Variants in TNRC6A observed in about 807,000 individuals in gnomAD.
The protein encoded by TNRC6A is trinucleotide repeat-containing gene 6A protein.
Under a neutral mutation model 221.2 loss-of-function variants are expected in TNRC6A, and 44 were observed. The observed-to-expected ratio is 0.20, with a 90% CI of 0.16 to 0.26. TNRC6A has a LOEUF of 0.26. Among genes scored for constraint, TNRC6A ranks in the 10% least tolerant of loss-of-function variants. The pLI is 1.00. For missense variants in TNRC6A, 2,199 were observed against 2,404.4 expected, an observed-to-expected ratio of 0.91 and a Z score of 1.79; for synonymous variants, 847 against 838.5, an observed-to-expected ratio of 1.01 and a Z score of -0.18.
At chr16:24,648,011 T>C (rs1902384863) in intron 2 of TNRC6A, among the ~76,000 whole-genome samples, 1 of 152,218 alleles carries the variant, frequency 6.6e-6, no homozygotes, top group Non-Finnish European at 1.5e-5. Flanking sequence ...CTTAGCATAA[T>C]GTCTTCACGG....
chr16:24,813,286 A>G (rs1288708916), intron 18 of TNRC6A, among the ~76,000 whole-genome samples: 1 of 152,198 alleles, frequency 6.6e-6, no homozygotes. Flanking sequence ...CAGTAAGCCC[A>G]TTGCCCAAAT....
intron 4 of TNRC6A, among the ~76,000 whole-genome samples, chr16:24,773,124 GTCTT>G (rs1204867924): frequency 3.3e-5 from 5 of 151,684 alleles, no homozygotes; most frequent in Non-Finnish European, 7.4e-5. Flanking sequence ...TACTAATTCC[GTCTT>G]TCTATTTCCT....
intron 2 of TNRC6A, among the ~76,000 whole-genome samples, chr16:24,659,999 T>C (rs1017441917): frequency 2.0e-5 from 3 of 152,236 alleles, no homozygotes; most frequent in African/African-American, 7.2e-5. Context: ...AGGTGAGCTA[T>C]AGTCATATGT....
In TNRC6A at chr16:24,660,654, G is replaced by A. The variant is rs112108004; in HGVS notation, n.402+19645G>A. ...ATTATAAAATGCCCCCATTTGTCTA[G>A]GTTGCCTCCCTTAACCTTAGATTCA... On this transcript the variant is annotated intron_variant and non_coding_transcript_variant, in intron 2 of 2. Coordinates refer to the TNRC6A transcript ENST00000566108. 6.4e-3 allele frequency among the ~76,000 whole-genome samples: 970 copies of A among 151,050 alleles called. 14 individuals carry two copies. Among genetic ancestry groups the A allele is most frequent in the African/African-American group, 0.022 (913 of 41,176 alleles).
rs955727712 is a variant in TNRC6A at position 24,735,278 on chromosome 16, C to T, written c.53+4978C>T. ...TGGGCAACAGAGTGAAACTCTGTTT[C>T]GAAAGAAAGAAAAGAAATGACTAGG... On this transcript the variant is annotated intron_variant, in intron 2 of 24. Transcript: ENST00000395799. Among the ~76,000 whole-genome samples, 8 of 151,850 alleles carry T rather than the reference C, an allele frequency of 5.3e-5. No individual in the cohort carries two copies. The East Asian group carries it at 1.3e-3, about 26-fold the overall frequency.
At chr16:24,813,727 C>G (rs1407872822) in intron 18 of TNRC6A, among the ~76,000 whole-genome samples, 2 of 152,180 alleles carry the variant, frequency 1.3e-5, no homozygotes, top group Non-Finnish European at 2.9e-5. Context: ...TAAACTGAAC[C>G]TGTCACGTAG....
chr16:24,674,982 C>CA (rs1005393156), intron 2 of TNRC6A, among the ~76,000 whole-genome samples: 2 of 151,946 alleles, frequency 1.3e-5, no homozygotes, highest in Non-Finnish European at 2.9e-5. Context: ...TCTACAAAAA[C>CA]AAAAATTTTT....
chr16:24,805,462 T>G, intron 14 of TNRC6A, 143 bp from the exon 15 acceptor site: 1 of 1,218,400 alleles, frequency 8.2e-7, no homozygotes, highest in Non-Finnish European at 1.1e-6. Context: ...GAGTGGTCAG[T>G]TAGTAAGACA....
At chr16:24,697,414 G>C (rs1204327777) in intron 2 of TNRC6A, among the ~76,000 whole-genome samples, 1 of 152,178 alleles carries the variant, frequency 6.6e-6, no homozygotes, top group Non-Finnish European at 1.5e-5. Context: ...GCCAGGCACA[G>C]TGGCTCACAC....
chr16:24,691,967 G>C (rs982029086), intron 2 of TNRC6A, among the ~76,000 whole-genome samples: 53 of 152,244 alleles, frequency 3.5e-4, no homozygotes, highest in African/African-American at 1.3e-3. Context: ...CATATATTAT[G>C]TGTGCAACTA....
chr16:24,698,846 G>A (rs2055914201), intron 2 of TNRC6A, among the ~76,000 whole-genome samples: 3 of 152,162 alleles, frequency 2.0e-5, no homozygotes, highest in Admixed American at 1.3e-4. Flanking sequence ...AAGTAGCTGG[G>A]ATTATGGGCA....
intron 1 of TNRC6A, among the ~76,000 whole-genome samples, chr16:24,627,256 C>T (rs551859670): frequency 6.6e-6 from 1 of 152,230 alleles, no homozygotes; most frequent in East Asian, 1.9e-4. Context: ...TCCTCCCCTA[C>T]ATCAGCCTCG....
At chr16:24,707,350 G>GCACACACA (rs34395729) in intron 2 of TNRC6A, among the ~76,000 whole-genome samples, 1,967 of 149,598 alleles carry the variant, frequency 0.013, 34 homozygotes, top group Middle Eastern at 0.021. Flanking sequence ...GAACATGGGC[G>GCACACACA]CACACACACA....
intron 18 of TNRC6A, 152 bp from the exon 19 acceptor site, chr16:24,814,995 T>A: frequency 1.3e-6 from 1 of 786,864 alleles, no homozygotes; most frequent in Non-Finnish European, 2.0e-6. Context: ...TCAAATGCGA[T>A]GTTAGAATCT....
At chr16:24,789,084 C>A in intron 5 of TNRC6A, 148 bp from the exon 6 acceptor site, 3 of 757,526 alleles carry the variant, frequency 4.0e-6, no homozygotes, top group Non-Finnish European at 4.0e-6. Flanking sequence ...ATAACCAGTG[C>A]CCTTGTCACC....
chr16:24,694,892 G>T (rs58402265), intron 2 of TNRC6A, among the ~76,000 whole-genome samples: 2 of 151,624 alleles, frequency 1.3e-5, no homozygotes, highest in South Asian at 4.2e-4. Context: ...ATGATCACAC[G>T]ACTGCACTCC....
At chr16:24,809,319 T>A (rs2058496829) in intron 17 of TNRC6A, 31 bp from the exon 18 acceptor site, 1 of 1,476,792 alleles carries the variant, frequency 6.8e-7, no homozygotes, top group Non-Finnish European at 9.1e-7. Context: ...CTGTATTTTC[T>A]AAGGTTTTGT....
chr16:24,729,666 C>CCTGCGG lies in TNRC6A; in HGVS notation c.-174_-169dup. 1.6e-6 allele frequency: 1 copy of CCTGCGG among 637,438 alleles called. No homozygotes were observed. The highest frequency in any genetic ancestry group is 2.2e-6 in the Non-Finnish European group (1 of 445,686). 39.5% of individuals were successfully genotyped at this position (637,438 alleles called of 1,614,324 possible). A position where few individuals can be genotyped will look rare whatever the true frequency, so the allele number is the denominator to read the frequency against. On this transcript the variant is annotated 5_prime_UTR_variant, in exon 1 of 25. Coordinates refer to ENST00000395799, the MANE Select transcript of TNRC6A (RefSeq NM_014494.4). The stretch of plus-strand genomic sequence containing the variant: ...TGGGGCATTCACTTCCGGTCTGGGG[C>CCTGCGG]CTGCGGCGGCGGCGGTGTCGGCGGC...
intron 2 of TNRC6A, chr16:24,670,938 AG>A (rs2055285475): frequency 2.6e-6 from 1 of 380,904 alleles, no homozygotes; most frequent in Non-Finnish European, 5.5e-6. Context: ...TGATGCTGAC[AG>A]GGGGTACCAG....
Sources: allele counts gnomAD v4.1 joint callset (sites outside exome capture counted in the v4.1 genomes callset), GRCh38; gene constraint gnomAD v4.1.1; transcripts MANE v1.5; gene names NCBI Gene and HGNC (gene_info 2026-07-23, HGNC 2026-07-21).